Variants in EMSY observed in about 807,000 individuals in gnomAD.
EMSY encodes BRCA2-interacting transcriptional repressor EMSY.
A neutral mutation model predicts 134.6 loss-of-function variants in EMSY; 26 were observed. That is an observed-to-expected ratio of 0.19 (90% CI 0.14 to 0.27). The LOEUF is 0.27. Among genes scored for constraint, EMSY ranks in the 10% least tolerant of loss-of-function variants. The pLI is 1.00. For synonymous variants in EMSY, 579 were observed against 577.8 expected (o/e 1.00, Z -0.03); for missense variants, 1,305 against 1,611.4 (o/e 0.81, Z 3.26).
intron 8 of EMSY, among the ~76,000 whole-genome samples, chr11:76,479,169 A>C (rs1001018210): frequency 2.6e-5 from 4 of 152,214 alleles, no homozygotes; most frequent in African/African-American, 9.7e-5. Context: ...TAACCAGTAC[A>C]GTTTGATCAT....
chr11:76,498,245 G>C (rs1171654437), intron 9 of EMSY, among the ~76,000 whole-genome samples: 1 of 152,096 alleles, frequency 6.6e-6, no homozygotes, highest in Non-Finnish European at 1.5e-5. Context: ...CCCACAATAT[G>C]TTCAACTTTG....
chr11:76,508,529 C>G (rs1200123770), intron 9 of EMSY, among the ~76,000 whole-genome samples: 1 of 152,166 alleles, frequency 6.6e-6, no homozygotes, highest in Admixed American at 6.5e-5. Context: ...TCAGCTTCAA[C>G]TTAAACTCAG....
intron 5 of EMSY, 62 bp downstream of exon 6, chr11:76,458,420 A>G (rs1947965079): frequency 2.7e-6 from 4 of 1,457,320 alleles, no homozygotes; most frequent in Non-Finnish European, 3.7e-6. Context: ...AGAAAATTTC[A>G]AGAAAAGTTG....
At chr11:76,540,079 G>T (rs1010560823) in intron 17 of EMSY, among the ~76,000 whole-genome samples, 1 of 152,130 alleles carries the variant, frequency 6.6e-6, no homozygotes, top group Non-Finnish European at 1.5e-5. Flanking sequence ...GAATTACCGT[G>T]AAGTAATTAT....
intron 9 of EMSY, among the ~76,000 whole-genome samples, chr11:76,502,523 A>T (rs1295356796): frequency 6.6e-6 from 1 of 150,464 alleles, no homozygotes; most frequent in Non-Finnish European, 1.5e-5. Context: ...ATGATCCTTT[A>T]TATTATTAAA....
At chr11:76,477,313 T>G (rs2135436985) in intron 8 of EMSY, among the ~76,000 whole-genome samples, 1 of 150,870 alleles carries the variant, frequency 6.6e-6, no homozygotes, top group South Asian at 2.1e-4. Flanking sequence ...TGGATTGTCA[T>G]TTTGAAAATT....
chr11:76,506,598 TATAA>T (rs1358593864), intron 9 of EMSY, among the ~76,000 whole-genome samples: 3 of 152,048 alleles, frequency 2.0e-5, no homozygotes, highest in Non-Finnish European at 4.4e-5. Flanking sequence ...CACTAAAACA[TATAA>T]ATAGTTTCTC....
rs1411496904 is a variant in EMSY at position 76,458,386 on chromosome 11, A to G, written c.421+28A>G. 4 of 1,526,122 alleles carry G rather than the reference A, an allele frequency of 2.6e-6. No homozygotes were observed. In the African/African-American group the frequency reaches 4.2e-5, roughly 16 times the overall value. The allele number at this position is 1,526,122 out of a possible 1,614,324, so 94.5% of individuals were successfully genotyped here. ...GAGTAGAAAAATATGCCTGTGTTAG[A>G]GATTACTTTTCTTAGAATCTTCAAG... On this transcript the variant is annotated intron_variant, in intron 5 of 20. Transcript: ENST00000334736.
chr11:76,544,292 A>G (rs1287177393), exon 19 of EMSY: 1 of 1,614,094 alleles, frequency 6.2e-7, no homozygotes, highest in South Asian at 1.1e-5. Context: ...TACCAAACAC[A>G]GCGAGGAACT....
chr11:76,467,493 A>C (rs1268094583), intron 7 of EMSY, among the ~76,000 whole-genome samples: 1 of 152,152 alleles, frequency 6.6e-6, no homozygotes, highest in South Asian at 2.1e-4. Context: ...TTTATCTTCT[A>C]TTTCTCCCAG....
chr11:76,532,522 T>C (rs1951081011), intron 14 of EMSY, among the ~76,000 whole-genome samples: 1 of 152,156 alleles, frequency 6.6e-6, no homozygotes, highest in African/African-American at 2.4e-5. Context: ...ATATCGTTCC[T>C]GTGCTTTTCT....
chr11:76,451,452 A>C (rs1947664985), intron 2 of EMSY, among the ~76,000 whole-genome samples: 2 of 152,216 alleles, frequency 1.3e-5, no homozygotes, highest in African/African-American at 4.8e-5. Flanking sequence ...TATAGTTTGA[A>C]TTCTTAGGCA....
At chr11:76,445,906 T>C (rs1565262396) in intron 1 of EMSY, among the ~76,000 whole-genome samples, 1 of 152,180 alleles carries the variant, frequency 6.6e-6, no homozygotes, top group Non-Finnish European at 1.5e-5. Context: ...GCCTTGGGTT[T>C]GTTCTGAGCT....
chr11:76,449,956 C>G (rs1343747349), intron 2 of EMSY, among the ~76,000 whole-genome samples: 1 of 152,010 alleles, frequency 6.6e-6, no homozygotes, highest in African/African-American at 2.4e-5. Context: ...TTTTACTGCC[C>G]TTAGTATAAA....
chr11:76,496,278 G>A (rs2135804584), exon 9 of EMSY: 2 of 1,614,054 alleles, frequency 1.2e-6, no homozygotes, highest in African/African-American at 2.7e-5. Context: ...AGCTTAGTGA[G>A]TGCCCCAACT....
chr11:76,474,146 A>G (rs1244524569), intron 8 of EMSY, among the ~76,000 whole-genome samples: 1 of 151,980 alleles, frequency 6.6e-6, no homozygotes, highest in African/African-American at 2.4e-5. Context: ...AGGAAAGGAA[A>G]TATGGAAATC....
intron 6 of EMSY, chr11:76,460,303 C>G: frequency 2.1e-6 from 1 of 465,722 alleles, no homozygotes; most frequent in African/African-American, 1.9e-5. Context: ...TTTTCATTGT[C>G]TGTGGGTAAT....
At chr11:76,474,102 C>T (rs1590832162) in intron 8 of EMSY, among the ~76,000 whole-genome samples, 1 of 124,080 alleles carries the variant, frequency 8.1e-6, no homozygotes, top group Non-Finnish European at 1.6e-5. Flanking sequence ...GGTGACAGAC[C>T]AAGACCCTGT....
At chr11:76,493,185 C>G (rs1280728586) in intron 8 of EMSY, among the ~76,000 whole-genome samples, 1 of 152,320 alleles carries the variant, frequency 6.6e-6, no homozygotes, top group East Asian at 1.9e-4. Context: ...TGCCACCCAG[C>G]TGGGTGCACA....
Sources: allele counts gnomAD v4.1 joint callset (sites outside exome capture counted in the v4.1 genomes callset), GRCh38; gene constraint gnomAD v4.1.1; transcripts MANE v1.5; gene names NCBI Gene and HGNC (gene_info 2026-07-23, HGNC 2026-07-21).